ACSS3: variants seen among roughly 807,000 people sequenced by gnomAD.
The protein encoded by ACSS3 is acyl-CoA synthetase short-chain family member 3, mitochondrial.
In ACSS3, 64 loss-of-function variants were observed where a neutral mutation model predicts 84.2. The ratio of observed to expected loss-of-function variants is 0.76; its 90% CI spans 0.62 to 0.94. ACSS3 has a LOEUF of 0.94. Ranked by LOEUF, ACSS3 falls within the 40% of genes least tolerant of loss-of-function variation. The pLI is 0.00. For missense variants in ACSS3, 815 were observed against 867.6 expected (o/e 0.94, Z 0.76); for synonymous variants, 317 against 310.1 (o/e 1.02, Z -0.23).
rs34439721 is a variant in ACSS3 at position 81,226,964 on chromosome 12, TACACACACACACAC to T, written c.1515-4079_1515-4066del. 1.6e-3 allele frequency among the ~76,000 whole-genome samples: 242 copies of T among 149,030 alleles called. 2 individuals are homozygous for T. Among genetic ancestry groups the T allele is most frequent in the African/African-American group, 5.8e-3 (234 of 40,690 alleles). On this transcript the variant is annotated intron_variant, in intron 11 of 15. Transcript: ENST00000548058. Reference sequence around the variant, plus strand: ...CCGAAGAAATAGAACCAATAGGATTTACACACACACACACACACACACACACATATATATATACA... The same window carrying T: ...CCGAAGAAATAGAACCAATAGGATTTACACACACACACATATATATATACA...
In ACSS3 at chr12:81,230,999, T is replaced by C. The variant is rs1426112746; in HGVS notation, c.1515-58T>C. On this transcript the variant is annotated intron_variant, in intron 11 of 15. Transcript: ENST00000548058. ...CACAGTAGAAAAATAATAGTTCTAA[T>C]CAACCTGTCTTTATTACCACTTTCA... 5.4e-6 allele frequency: 7 copies of C among 1,297,358 alleles called. No individual in the cohort carries two copies. In the East Asian group the frequency reaches 1.6e-4, roughly 30 times the overall value. The allele number at this position is 1,297,358 out of a possible 1,614,324, so 80.4% of individuals were successfully genotyped here.
chr12:81,143,176 G>A lies in ACSS3; in HGVS notation c.850G>A (p.Asp284Asn), dbSNP rs759930604. Residue 284 changes from aspartate (D) to asparagine (N), a missense_variant, in exon 5 of 16, where the codon GAC (aspartate) becomes AAC (asparagine). By Grantham distance (23) the Asp-to-Asn change is conservative (BLOSUM62 1). Coordinates refer to ENST00000548058, the MANE Select transcript of ACSS3 (RefSeq NM_024560.4). ...AGAGATGGCAAAAGCCCAGTCACAT[G>A]ACTGTGTTCCTGTTCTTTCAGAACA... The part of the protein sequence containing the change: ...DEEMAKAQSH[D>N]CVPVLSEHPL... 5.6e-6 allele frequency: 9 copies of A among 1,613,632 alleles called. No individual in the cohort carries two copies. In the Admixed American group the frequency reaches 1.5e-4, roughly 27 times the overall value.
chr12:81,200,663 G>A (rs143820647), intron 9 of ACSS3, among the ~76,000 whole-genome samples: 1,731 of 152,154 alleles, frequency 0.011, 16 homozygotes, highest in African/African-American at 0.02. Context: ...GCAAAAACAG[G>A]CAGATCACTT....
chr12:81,250,443 T>C (rs1301319664), intron 13 of ACSS3, among the ~76,000 whole-genome samples: 1 of 152,120 alleles, frequency 6.6e-6, no homozygotes, highest in Non-Finnish European at 1.5e-5. Flanking sequence ...TATTATATTA[T>C]AGGAAATGTT....
chr12:81,234,632 A>G (rs539605945), intron 13 of ACSS3, among the ~76,000 whole-genome samples: 2 of 151,504 alleles, frequency 1.3e-5, no homozygotes, highest in African/African-American at 4.8e-5. Flanking sequence ...TGTGATTTGC[A>G]TTTCTGTAAT....
chr12:81,259,706 C>T lies in ACSS3; in HGVS notation c.*4784C>T. On this transcript the variant is annotated 3_prime_UTR_variant, in exon 16 of 16. Transcript: ENST00000548058. The stretch of plus-strand genomic sequence containing the variant: ...CATTAGTTCACTGAAAAGTCCCAGA[C>T]TGGGAAATCTCATTCTACTCCTCTG... 1 of 1,506,026 alleles carries T rather than the reference C, an allele frequency of 6.6e-7. No homozygotes were observed. Among genetic ancestry groups the T allele is most frequent in the Middle Eastern group, 1.7e-4 (1 of 5,914 alleles). The allele number at this position is 1,506,026 out of a possible 1,614,324, so 93.3% of individuals were successfully genotyped here.
intron 5 of ACSS3, among the ~76,000 whole-genome samples, chr12:81,144,577 G>A (rs914092415): frequency 4.3e-5 from 5 of 115,550 alleles, no homozygotes; most frequent in Non-Finnish European, 9.5e-5. Flanking sequence ...GCAAAGTTAT[G>A]ATCTAATATA....
At position 81,078,311 on chromosome 12, in the gene ACSS3, C is replaced by A. The variant is rs202050595; in HGVS notation, c.191C>A (p.Thr64Asn). Residue 64 changes from threonine to asparagine, a missense_variant, in exon 1 of 16, where the codon ACC becomes AAC. Coordinates refer to ENST00000548058, the MANE Select transcript of ACSS3 (RefSeq NM_024560.4). ...LSSGSGSEYK[T>N]HFAASVTDPE... ...TCCGGCAGTGGCAGCGAGTACAAGA[C>A]CCACTTCGCAGCCTCGGTGACCGAC... 6.8e-6 allele frequency: 11 copies of A among 1,612,364 alleles called. No individual in the cohort carries two copies. In the East Asian group the frequency reaches 2.2e-4, roughly 33 times the overall value.
chr12:81,098,792 T>G (rs1021152939), intron 1 of ACSS3, among the ~76,000 whole-genome samples: 3 of 152,210 alleles, frequency 2.0e-5, no homozygotes, highest in Non-Finnish European at 2.9e-5. Flanking sequence ...ACATTCCTTT[T>G]CACATCCATC....
chr12:81,158,259 C>G (rs1299832511), intron 7 of ACSS3: 1 of 152,136 alleles, frequency 6.6e-6, no homozygotes, highest in South Asian at 2.1e-4. Flanking sequence ...CTGATAATTA[C>G]CACATTTTCA....
intron 1 of ACSS3, among the ~76,000 whole-genome samples, chr12:81,102,599 G>T (rs531903248): frequency 6.6e-6 from 1 of 151,938 alleles, no homozygotes; most frequent in Non-Finnish European, 1.5e-5. Flanking sequence ...GAGGCGGGCA[G>T]ATCACCAGGT....
chr12:81,136,342 C>T (rs1256111365), intron 3 of ACSS3, among the ~76,000 whole-genome samples: 1 of 152,164 alleles, frequency 6.6e-6, no homozygotes, highest in Admixed American at 6.6e-5. Flanking sequence ...ACCTACTCAG[C>T]TTTGCTGCTG....
chr12:81,143,228 G>A lies in ACSS3; in HGVS notation c.902G>A (p.Gly301Asp), dbSNP rs1239532528. 1 of 1,600,004 alleles carries A rather than the reference G, an allele frequency of 6.2e-7. No homozygotes were observed. The highest frequency in any genetic ancestry group is 8.5e-7 in the Non-Finnish European group (1 of 1,170,710). The change falls in exon 5 of 16, where the codon GGC becomes GAC. Residue 301 changes from glycine (G) to aspartate (D), a missense_variant. Transcript: ENST00000548058. ...EHPLYILYTSGTTGLPKGVIR... is the reference protein window; with the variant it reads ...EHPLYILYTSDTTGLPKGVIR... ...CCACTGTATATTCTTTACACATCTG[G>A]CACAACGGGGTTACCTAAGGTACTC...
At position 81,257,650 on chromosome 12, in the gene ACSS3, T is replaced by G. The variant is rs1487818605; in HGVS notation, c.*2728T>G. 6.6e-6 allele frequency: 1 copy of G among 152,112 alleles called. No homozygotes were observed. Among genetic ancestry groups the G allele is most frequent in the Non-Finnish European group, 1.5e-5 (1 of 67,998 alleles). 9.4% of individuals were successfully genotyped at this position (152,112 alleles called of 1,614,324 possible). The stretch of plus-strand genomic sequence containing the variant: ...ATTAAACATATTTAAATGAGACCTA[T>G]CCTACATTTAAAAACCAGTTTTGTT... On this transcript the variant is annotated 3_prime_UTR_variant, in exon 16 of 16. Coordinates refer to ENST00000548058, the MANE Select transcript of ACSS3 (RefSeq NM_024560.4).
chr12:81,102,534 G>A (rs1375413272), intron 1 of ACSS3, among the ~76,000 whole-genome samples: 1 of 152,098 alleles, frequency 6.6e-6, no homozygotes, highest in Non-Finnish European at 1.5e-5. Context: ...TCAAATTGGA[G>A]AAGATTGGCC....
rs77045764 is a variant in ACSS3 at position 81,097,449 on chromosome 12, C to T, written c.312-12111C>T. On this transcript the variant is annotated intron_variant, in intron 1 of 15. Coordinates refer to ENST00000548058, the MANE Select transcript of ACSS3 (RefSeq NM_024560.4). ...CTAAAACTTTGGTTTCTTTTGTATTCGTTTTCCTTACTCTTTTCCTGTTTG... is the reference window on the plus strand; with the variant it reads ...CTAAAACTTTGGTTTCTTTTGTATTTGTTTTCCTTACTCTTTTCCTGTTTG... 4.4e-3 allele frequency among the ~76,000 whole-genome samples: 670 copies of T among 152,290 alleles called. 11 individuals are homozygous for T. Among genetic ancestry groups the T allele is most frequent in the African/African-American group, 0.015 (643 of 41,580 alleles).
At chr12:81,112,079 C>A (rs1883646124) in intron 2 of ACSS3, among the ~76,000 whole-genome samples, 1 of 152,130 alleles carries the variant, frequency 6.6e-6, no homozygotes, top group African/African-American at 2.4e-5. Flanking sequence ...TACGAGGCTG[C>A]ATTCCATTAT....
chr12:81,158,182 G>T (rs1016596165), intron 7 of ACSS3, among the ~76,000 whole-genome samples: 10 of 151,822 alleles, frequency 6.6e-5, no homozygotes, highest in African/African-American at 2.4e-4. Context: ...TTACACCTGG[G>T]GAAAACTGGT....
chr12:81,235,237 A>G (rs1195188010), intron 13 of ACSS3, among the ~76,000 whole-genome samples: 1 of 151,204 alleles, frequency 6.6e-6, no homozygotes, highest in Non-Finnish European at 1.5e-5. Context: ...ATAATATTGG[A>G]GTGGGTCTGT....
Sources: gnomAD v4.1 joint callset for allele counts (sites outside exome capture counted in the v4.1 genomes callset) on GRCh38, gnomAD v4.1.1 for gene constraint, MANE v1.5 for transcripts, NCBI Gene and HGNC (gene_info 2026-07-23, HGNC 2026-07-21) for gene names.